DGCR2: variants seen among roughly 807,000 people sequenced by gnomAD.
DGCR2 encodes the protein integral membrane protein DGCR2/IDD.
A neutral mutation model predicts 51.6 loss-of-function variants in DGCR2; 24 were observed. The ratio of observed to expected loss-of-function variants is 0.47; its 90% CI spans 0.34 to 0.65. The LOEUF (loss-of-function observed/expected upper bound fraction) is 0.65. DGCR2 is among the 30% of genes least tolerant of loss of function. DGCR2 has a pLI of 0.01. For synonymous variants in DGCR2, 340 were observed against 315.4 expected, an observed-to-expected ratio of 1.08 and a Z score of -0.82; for missense variants, 765 against 772.1, an observed-to-expected ratio of 0.99 and a Z score of 0.11.
intron 9 of DGCR2, 58 bp downstream of exon 9, chr22:19,041,000 C>T: frequency 6.9e-7 from 1 of 1,452,630 alleles, no homozygotes; most frequent in Non-Finnish European, 9.4e-7. Flanking sequence ...GTGCTGGGCT[C>T]AGCCCCACGT....
chr22:19,084,955 C>CATG (rs1260939387), intron 2 of DGCR2, among the ~76,000 whole-genome samples: 1 of 152,124 alleles, frequency 6.6e-6, no homozygotes, highest in Non-Finnish European at 1.5e-5. Context: ...GAGAACGGGC[C>CATG]ATGATGACAA....
intron 1 of DGCR2, among the ~76,000 whole-genome samples, chr22:19,098,362 G>A (rs1476155205): frequency 6.6e-6 from 1 of 152,190 alleles, no homozygotes; most frequent in Admixed American, 6.5e-5. Context: ...AGGGCCAGAT[G>A]ATAAGTATTT....
chr22:19,043,691 C>T (rs975724632), intron 7 of DGCR2, among the ~76,000 whole-genome samples: 3 of 141,174 alleles, frequency 2.1e-5, no homozygotes, highest in African/African-American at 8.5e-5. Context: ...GCAACAATCT[C>T]GGCAGGCAGG....
At chr22:19,108,931 T>C (rs2083287245) in intron 1 of DGCR2, among the ~76,000 whole-genome samples, 1 of 151,704 alleles carries the variant, frequency 6.6e-6, no homozygotes, top group African/African-American at 2.4e-5. Context: ...CATGGGAGGC[T>C]GAGGCAGGAG....
intron 5 of DGCR2, among the ~76,000 whole-genome samples, chr22:19,062,691 A>T (rs1461219777): frequency 2.0e-5 from 3 of 151,722 alleles, no homozygotes; most frequent in Non-Finnish European, 4.4e-5. Context: ...AATGTAAAGG[A>T]AACAGCAGCC....
At chr22:19,095,478 G>A (rs5992367) in intron 1 of DGCR2, among the ~76,000 whole-genome samples, 19,777 of 151,764 alleles carry the variant, frequency 0.13, 2,125 homozygotes, top group African/African-American at 0.29. Flanking sequence ...TGGCTAACAC[G>A]GTGAAACCCC....
chr22:19,109,706 A>C (rs192478017), intron 1 of DGCR2, among the ~76,000 whole-genome samples: 1 of 152,344 alleles, frequency 6.6e-6, no homozygotes, highest in East Asian at 1.9e-4. Context: ...TTGCATAACA[A>C]GGTACATACT....
intron 1 of DGCR2, among the ~76,000 whole-genome samples, chr22:19,092,924 A>G (rs950733022): frequency 3.3e-5 from 5 of 151,740 alleles, no homozygotes; most frequent in Non-Finnish European, 4.4e-5. Flanking sequence ...AAAGAAAGGA[A>G]GAAGGAAGGA....
chr22:19,041,469 C>A (rs1395938300), intron 8 of DGCR2, 175 bp from the exon 9 acceptor site: 1 of 652,962 alleles, frequency 1.5e-6, no homozygotes, highest in East Asian at 2.7e-5. Context: ...TGGTGTGCTC[C>A]GTGGCATGTC....
rs192363379 is a variant in DGCR2 at position 19,089,087 on chromosome 22, T to C, written c.202+281A>G. On this transcript the variant is annotated intron_variant, in intron 2 of 9. Coordinates refer to ENST00000263196, the MANE Select transcript of DGCR2 (RefSeq NM_005137.3). ...CCTCAGGAGGGGTTCACACTCAAGA[T>C]CATCCAAGTCCAGGGAGTGCAGCGC... Among the ~76,000 whole-genome samples, 9 of 152,268 alleles carry C rather than the reference T, an allele frequency of 5.9e-5. No individual in the cohort carries two copies. The East Asian group carries it at 1.7e-3, about 29-fold the overall frequency.
rs146265489 is a variant in DGCR2, at chr22:19,116,464, T to C, written c.79+5664A>G. Among the ~76,000 whole-genome samples the C allele has an allele frequency of 1.8e-4, 28 of 152,206 alleles. No homozygotes were observed. In the East Asian group the frequency reaches 1.9e-3, roughly 11 times the overall value. On this transcript the variant is annotated intron_variant, in intron 1 of 9. Coordinates refer to ENST00000263196, the MANE Select transcript of DGCR2 (RefSeq NM_005137.3). ...ATACAGGTGTTACACAGCTATCACATAATAACCATACCCAAGCCCATGCAT... is the reference window on the plus strand; with the variant it reads ...ATACAGGTGTTACACAGCTATCACACAATAACCATACCCAAGCCCATGCAT...
chr22:19,057,779 C>T lies in DGCR2; in HGVS notation c.626-617G>A, dbSNP rs2082619592. On this transcript the variant is annotated intron_variant, in intron 5 of 9. Transcript: ENST00000263196. The surrounding 1 kb of genome is among the most constrained non-coding windows in gnomAD (Gnocchi z 5.1). ...GCTCCTGCCTAAGCCAGGCACAAGG[C>T]AGTCAGAAACCGTGTACCCCTGCCG... 6.6e-6 allele frequency among the ~76,000 whole-genome samples: 1 copy of T among 152,096 alleles called. No individual in the cohort carries two copies. Among genetic ancestry groups the T allele is most frequent in the South Asian group, 2.1e-4 (1 of 4,828 alleles).
intron 1 of DGCR2, among the ~76,000 whole-genome samples, chr22:19,095,362 C>CA (rs897914784): frequency 1.3e-5 from 2 of 150,594 alleles, no homozygotes; most frequent in Non-Finnish European, 3.0e-5. Context: ...AATTCTGTCT[C>CA]AAAAAAACAA....
At chr22:19,116,029 C>T (rs1387595669) in intron 1 of DGCR2, among the ~76,000 whole-genome samples, 5 of 152,236 alleles carry the variant, frequency 3.3e-5, no homozygotes, top group African/African-American at 9.6e-5. Flanking sequence ...CTCACAACAT[C>T]TCTATAAAGC....
chr22:19,094,113 G>C (rs2083111815), intron 1 of DGCR2, among the ~76,000 whole-genome samples: 1 of 152,232 alleles, frequency 6.6e-6, no homozygotes, highest in East Asian at 1.9e-4. Flanking sequence ...TCAACGTCTA[G>C]TCATTAAGGA....
chr22:19,065,817 T>C (rs925761288), intron 3 of DGCR2: 1 of 152,272 alleles, frequency 6.6e-6, no homozygotes, highest in Non-Finnish European at 1.5e-5. Context: ...GGGTACCTCA[T>C]ATTAGTACAC....
intron 5 of DGCR2, chr22:19,060,935 T>C (rs771490468): frequency 6.1e-6 from 3 of 491,962 alleles, no homozygotes; most frequent in Non-Finnish European, 8.1e-6. Context: ...CTATGTACCA[T>C]GGTATCACTC....
chr22:19,056,978 G>A lies in DGCR2; in HGVS notation c.802+8C>T. 1 of 1,572,876 alleles carries A rather than the reference G, an allele frequency of 6.4e-7. No homozygotes were observed. On this transcript the variant is annotated splice_region_variant and intron_variant, in intron 6 of 9. Coordinates refer to ENST00000263196, the MANE Select transcript of DGCR2 (RefSeq NM_005137.3). ...ATTCCCCAAGAACGCCAGCTCAAGG[G>A]GGCTTACTTCTTTTACACAGAAATG...
intron 2 of DGCR2, among the ~76,000 whole-genome samples, chr22:19,075,791 T>C (rs11913040): frequency 0.41 from 62,487 of 152,092 alleles, 13,292 homozygotes; most frequent in African/African-American, 0.53. Flanking sequence ...CATATTCCAC[T>C]GGATGGATAG....
Sources: allele counts gnomAD v4.1 joint callset (sites outside exome capture counted in the v4.1 genomes callset), GRCh38; gene constraint gnomAD v4.1.1; non-coding constraint Gnocchi (gnomAD v3.1); transcripts MANE v1.5; gene names NCBI Gene and HGNC (gene_info 2026-07-23, HGNC 2026-07-21).